Variants in PUM2 observed in about 807,000 individuals in gnomAD.
PUM2 encodes the protein pumilio homolog 2.
PUM2 carries 57 observed loss-of-function variants against 124.5 expected under a neutral mutation model. The ratio of observed to expected loss-of-function variants is 0.46; its 90% confidence interval spans 0.37 to 0.57. The LOEUF (loss-of-function observed/expected upper bound fraction) is 0.57, where lower values mean the gene tolerates loss of function less well. Ranked by LOEUF, PUM2 falls within the 20% of genes least tolerant of loss-of-function variation. The pLI is 0.00. For synonymous variants in PUM2, 460 were observed against 446.1 expected, an observed-to-expected ratio of 1.03 and a Z score of -0.39; for missense variants, 1,065 against 1,290.6, an observed-to-expected ratio of 0.83 and a Z score of 2.68.
At chr2:20,315,075 T>C (rs1254086598) in intron 3 of PUM2, among the ~76,000 whole-genome samples, 1 of 151,156 alleles carries the variant, frequency 6.6e-6, no homozygotes, top group Non-Finnish European at 1.5e-5. Context: ...TTTTTTTTTT[T>C]TTTGGTGGGA....
rs141029405 is a variant in PUM2 at position 20,348,307 on chromosome 2, T to C, written c.-19+2290A>G. ...GTCTCAAGCTGTGATTGCAGCCATG[T>C]AGACAAAGCCATGTGAGACTCAAAT... On this transcript the variant is annotated intron_variant, in intron 1 of 20. Transcript: ENST00000361078. Among the ~76,000 whole-genome samples, 566 of 152,320 alleles carry C rather than the reference T, an allele frequency of 3.7e-3. 6 individuals are homozygous for C. Among genetic ancestry groups the C allele is most frequent in the African/African-American group, 0.013 (549 of 41,574 alleles).
intron 2 of PUM2, among the ~76,000 whole-genome samples, chr2:20,324,397 T>G (rs1683163996): frequency 1.3e-5 from 2 of 152,210 alleles, no homozygotes; most frequent in Admixed American, 1.3e-4. Flanking sequence ...CATACTAAGC[T>G]ATAAAGATAT....
chr2:20,260,829 T>C (rs995131098), intron 14 of PUM2, among the ~76,000 whole-genome samples: 1 of 152,132 alleles, frequency 6.6e-6, no homozygotes, highest in Non-Finnish European at 1.5e-5. Flanking sequence ...CCCTTAGAAG[T>C]AAAATTCATC....
intron 1 of PUM2, among the ~76,000 whole-genome samples, chr2:20,342,128 CAAAAA>C (rs776745768): frequency 1.1e-5 from 1 of 94,472 alleles, no homozygotes; most frequent in Admixed American, 1.1e-4. Flanking sequence ...GACTCTGTCT[CAAAAA>C]AAAAAAAAAA....
intron 1 of PUM2, among the ~76,000 whole-genome samples, chr2:20,336,748 C>CTGTGTGTGTG (rs70939037): frequency 1.1e-3 from 105 of 97,488 alleles, no homozygotes; most frequent in African/African-American, 2.8e-3. Context: ...CCAGGCTGAT[C>CTGTGTGTGTG]TGTGTGTGTG....
In PUM2 at chr2:20,294,531, C is replaced by T. The variant is rs748587075; in HGVS notation, c.1010-13G>A. 8 of 1,580,618 alleles carry T rather than the reference C, an allele frequency of 5.1e-6. No individual in the cohort carries two copies. In the Admixed American group the frequency reaches 7.5e-5, roughly 15 times the overall value. Reference sequence around the variant, plus strand: ...ACCACTGCTGGACCTAAACCCCACACCCGACCCCCGAATAAAAAGTTACTA... The same window carrying T: ...ACCACTGCTGGACCTAAACCCCACATCCGACCCCCGAATAAAAAGTTACTA... On this transcript the variant is annotated splice_polypyrimidine_tract_variant and intron_variant, in intron 8 of 20. Transcript: ENST00000361078.
At position 20,339,990 on chromosome 2, in the gene PUM2, T is replaced by TA. The variant is rs370989174; in HGVS notation, c.-19+10606dup. Among the ~76,000 whole-genome samples, 502 of 145,056 alleles carry TA rather than the reference T, an allele frequency of 3.5e-3. 5 individuals carry two copies. Among genetic ancestry groups the TA allele is most frequent in the African/African-American group, 7.1e-3 (283 of 40,034 alleles). The stretch of plus-strand genomic sequence containing the variant: ...CCTACTCTTGATAAATTCCTCAATG[T>TA]AAAAAAAAAAACGGCCAACTAAATC... On this transcript the variant is annotated intron_variant, in intron 1 of 20. Coordinates refer to ENST00000361078, the MANE Select transcript of PUM2 (RefSeq NM_015317.5).
chr2:20,303,314 A>C (rs1487005753), intron 7 of PUM2, among the ~76,000 whole-genome samples: 1 of 151,968 alleles, frequency 6.6e-6, no homozygotes, highest in Non-Finnish European at 1.5e-5. Context: ...TTTTTCTGGG[A>C]GCACTGCTTG....
chr2:20,285,647 CA>C (rs1672553383), intron 10 of PUM2, among the ~76,000 whole-genome samples: 1 of 151,996 alleles, frequency 6.6e-6, no homozygotes, highest in African/African-American at 2.4e-5. Flanking sequence ...ATCCATTTGA[CA>C]AATATTTATC....
chr2:20,285,977 C>T (rs1189266004), intron 10 of PUM2, among the ~76,000 whole-genome samples: 1 of 152,036 alleles, frequency 6.6e-6, no homozygotes, highest in Non-Finnish European at 1.5e-5. Context: ...TGTAGGAAGG[C>T]ATCTCCAAAT....
intron 10 of PUM2, among the ~76,000 whole-genome samples, chr2:20,288,944 T>C (rs1207227759): frequency 6.6e-6 from 1 of 152,152 alleles, no homozygotes. Context: ...TTTTCGTTTG[T>C]ATTTCTAAAA....
In PUM2 at chr2:20,257,699, T is replaced by C. The variant is rs570589741; in HGVS notation, c.2484+544A>G. Among the ~76,000 whole-genome samples the C allele has an allele frequency of 1.6e-3, 248 of 152,322 alleles. 1 individual carries two copies. The highest frequency in any genetic ancestry group is 4.1e-3 in the Admixed American group (63 of 15,302). ...ATTATTTTGATCAACAATTCCTTTA[T>C]TAATGTGAAATATTTAGACTTTCCA... On this transcript the variant is annotated intron_variant, in intron 16 of 20. Transcript: ENST00000361078.
chr2:20,303,102 G>A (rs902369822), intron 7 of PUM2, among the ~76,000 whole-genome samples: 2 of 151,938 alleles, frequency 1.3e-5, no homozygotes, highest in Admixed American at 6.6e-5. Flanking sequence ...CTCCCTTAAA[G>A]CCAGCACAGG....
In PUM2 at chr2:20,283,082, A is replaced by G; in HGVS notation, c.1585T>C (p.Leu529=). The G allele has an allele frequency of 6.8e-6, 11 of 1,614,138 alleles. No homozygotes were observed. The highest frequency in any genetic ancestry group is 9.3e-6 in the Non-Finnish European group (11 of 1,180,016). ...QSNSFYGSSS[L]TNSSQSSSLF... ...GAACTACTCTGGGAGCTATTAGTCAAAGAACTGCTTCCATAAAATGAATTA... is the reference window on the plus strand; with the variant it reads ...GAACTACTCTGGGAGCTATTAGTCAGAGAACTGCTTCCATAAAATGAATTA... Residue 529 remains leucine, a synonymous_variant, in exon 12 of 21, where the codon TTG becomes CTG. Transcript: ENST00000361078.
At chr2:20,338,105 CG>C (rs764761806) in intron 1 of PUM2, among the ~76,000 whole-genome samples, 1 of 152,122 alleles carries the variant, frequency 6.6e-6, no homozygotes, top group African/African-American at 2.4e-5. Flanking sequence ...ATGCCAATTA[CG>C]CTACTCTCTA....
intron 10 of PUM2, among the ~76,000 whole-genome samples, chr2:20,285,767 G>A (rs1672578211): frequency 6.6e-6 from 1 of 152,072 alleles, no homozygotes; most frequent in African/African-American, 2.4e-5. Flanking sequence ...TGAGATAAAT[G>A]AAAAATAAGT....
intron 1 of PUM2, 50 bp downstream of exon 1, chr2:20,350,547 C>T (rs986813227): frequency 1.8e-4 from 177 of 985,478 alleles, no homozygotes; most frequent in Middle Eastern, 1.0e-3. Flanking sequence ...GGGGAGCCAT[C>T]CTCGACGGCG....
chr2:20,283,448 T>C lies in PUM2; in HGVS notation c.1330A>G (p.Thr444Ala), dbSNP rs2148903077. Reference protein sequence around the residue: ...VLAPTAYYDQTGALVVGPGAR... With the variant: ...VLAPTAYYDQAGALVVGPGAR... The stretch of plus-strand genomic sequence containing the variant: ...CCAGGGCCAACCACTAAGGCACCAG[T>C]CTGATCATAATAGGCAGTTGGAGCT... The change falls in exon 11 of 21, where the codon ACT becomes GCT. Residue 444 changes from threonine to alanine, a missense_variant. This residue lies in a region of PUM2 where 968 missense variants were observed against 1,159.8 expected (regional missense o/e 0.83). Coordinates refer to ENST00000361078, the MANE Select transcript of PUM2 (RefSeq NM_015317.5). The C allele has an allele frequency of 6.2e-7, 1 of 1,613,976 alleles. No homozygotes were observed. Among genetic ancestry groups the C allele is most frequent in the East Asian group, 2.2e-5 (1 of 44,888 alleles).
At chr2:20,309,571 T>A (rs1381937199) in intron 5 of PUM2, among the ~76,000 whole-genome samples, 1 of 152,190 alleles carries the variant, frequency 6.6e-6, no homozygotes, top group African/African-American at 2.4e-5. Flanking sequence ...TAGCCCATTA[T>A]CAATCCTCAT....
Sources: gnomAD v4.1 joint callset for allele counts (sites outside exome capture counted in the v4.1 genomes callset) on GRCh38, gnomAD v4.1.1 for gene constraint, gnomAD v4.1.1 regional missense constraint, MANE v1.5 for transcripts, NCBI Gene and HGNC (gene_info 2026-07-23, HGNC 2026-07-21) for gene names.